The following IKZF3 variants were observed in gnomAD, a reference collection of about 807,000 sequenced individuals.
IKZF3 encodes the protein IKAROS family zinc finger 3, also known as zinc finger protein Aiolos.
Under a neutral mutation model 49.0 loss-of-function variants are expected in IKZF3, and 10 were observed. The observed-to-expected ratio is 0.20, with a 90% CI of 0.13 to 0.35. The LOEUF (loss-of-function observed/expected upper bound fraction) is 0.35. IKZF3 is among the 10% of genes least tolerant of loss of function. The probability of loss-of-function intolerance (pLI) is 1.00; values close to 1 mark genes in which losing one functional copy is unlikely to be tolerated. For missense variants in IKZF3, 498 were observed against 664.8 expected (o/e 0.75, Z 2.76); for synonymous variants, 209 against 228.2 (o/e 0.92, Z 0.76).
chr17:39,849,457 G>A (rs2062733682), intron 1 of IKZF3, among the ~76,000 whole-genome samples: 1 of 151,876 alleles, frequency 6.6e-6, no homozygotes, highest in African/African-American at 2.4e-5. Flanking sequence ...TCAGGAGTTT[G>A]AGACCAGCCT....
At chr17:39,851,975 C>T (rs1306430530) in intron 1 of IKZF3, among the ~76,000 whole-genome samples, 1 of 152,118 alleles carries the variant, frequency 6.6e-6, no homozygotes, top group East Asian at 1.9e-4. Context: ...CAACCACTCA[C>T]TGAATGGGCT....
At chr17:39,827,126 T>C (rs2061978340) in intron 3 of IKZF3, among the ~76,000 whole-genome samples, 1 of 152,098 alleles carries the variant, frequency 6.6e-6, no homozygotes. Context: ...GCCTCCCCAG[T>C]AGCTGGGATT....
At chr17:39,780,873 T>C (rs2060724800) in intron 6 of IKZF3, among the ~76,000 whole-genome samples, 1 of 152,174 alleles carries the variant, frequency 6.6e-6, no homozygotes, top group African/African-American at 2.4e-5. Flanking sequence ...AGGATGATAA[T>C]AATGTGATAA....
chr17:39,770,982 G>A (rs1260903217), intron 7 of IKZF3, among the ~76,000 whole-genome samples: 6 of 152,090 alleles, frequency 3.9e-5, no homozygotes, highest in African/African-American at 1.4e-4. Context: ...ATTTTTGTAT[G>A]ATACCTTTTA....
intron 3 of IKZF3, among the ~76,000 whole-genome samples, chr17:39,819,463 A>G (rs1246912377): frequency 6.6e-6 from 1 of 152,120 alleles, no homozygotes; most frequent in Non-Finnish European, 1.5e-5. Context: ...ATACAACATC[A>G]TATGCCTTTC....
intron 3 of IKZF3, among the ~76,000 whole-genome samples, chr17:39,823,809 G>A (rs763615991): frequency 6.6e-6 from 1 of 152,372 alleles, no homozygotes; most frequent in Non-Finnish European, 1.5e-5. Flanking sequence ...CCTCTGCTTA[G>A]ATTTCAGAGG....
chr17:39,783,045 G>A (rs898006759), intron 6 of IKZF3, among the ~76,000 whole-genome samples: 1 of 152,138 alleles, frequency 6.6e-6, no homozygotes, highest in Admixed American at 6.5e-5. Flanking sequence ...AGTCATTGGA[G>A]GTTTAACTAT....
intron 3 of IKZF3, among the ~76,000 whole-genome samples, chr17:39,803,839 G>A (rs2061377138): frequency 6.6e-6 from 1 of 152,080 alleles, no homozygotes; most frequent in East Asian, 1.9e-4. Context: ...AAACAGGAAT[G>A]AAAAAGTTTA....
intron 3 of IKZF3, among the ~76,000 whole-genome samples, chr17:39,804,019 GT>G (rs756941868): frequency 4.6e-5 from 7 of 152,172 alleles, no homozygotes; most frequent in Non-Finnish European, 1.0e-4. Context: ...TATATAGCAT[GT>G]TTTGTGTTAT....
In IKZF3 at chr17:39,766,591, T is replaced by G. The variant is rs961709890; in HGVS notation, c.827-98A>C. ...ACCTCAAAAAGGGAGGAGAGTTAAG[T>G]TGCCTGCTGCTCAAGAAGACCAAGC... On this transcript the variant is annotated intron_variant, in intron 7 of 7. Coordinates refer to ENST00000346872, the MANE Select transcript of IKZF3 (RefSeq NM_012481.5). 3 of 1,011,250 alleles carry G rather than the reference T, an allele frequency of 3.0e-6. No homozygotes were observed. In the African/African-American group the frequency reaches 4.8e-5, roughly 16 times the overall value. 62.6% of individuals were successfully genotyped at this position (1,011,250 alleles called of 1,614,324 possible).
chr17:39,768,724 T>C (rs1416018718), intron 7 of IKZF3, among the ~76,000 whole-genome samples: 2 of 152,240 alleles, frequency 1.3e-5, no homozygotes, highest in Non-Finnish European at 2.9e-5. Context: ...TGGGTTTTTT[T>C]CCTCTGTTTG....
intron 3 of IKZF3, among the ~76,000 whole-genome samples, chr17:39,807,580 G>T (rs2061461878): frequency 7.3e-6 from 1 of 136,366 alleles, no homozygotes; most frequent in African/African-American, 2.8e-5. Context: ...GTAGAGACGG[G>T]GCCTCTATAT....
At chr17:39,781,148 G>A (rs1349848479) in intron 6 of IKZF3, among the ~76,000 whole-genome samples, 2 of 152,032 alleles carry the variant, frequency 1.3e-5, no homozygotes, top group East Asian at 3.9e-4. Flanking sequence ...TCCAGCACAG[G>A]GATAGGTTTA....
At chr17:39,774,269 T>C (rs1431627504) in intron 7 of IKZF3, among the ~76,000 whole-genome samples, 1 of 152,170 alleles carries the variant, frequency 6.6e-6, no homozygotes, top group Admixed American at 6.5e-5. Context: ...TGACTCACTC[T>C]TCCTTCACAC....
chr17:39,860,989 A>G (rs1598245964), intron 1 of IKZF3, among the ~76,000 whole-genome samples: 1 of 152,220 alleles, frequency 6.6e-6, no homozygotes, highest in South Asian at 2.1e-4. Context: ...ACTGAGCTTT[A>G]TCAAAGAATT....
At chr17:39,850,873 A>G (rs1326510116) in intron 1 of IKZF3, among the ~76,000 whole-genome samples, 6 of 131,836 alleles carry the variant, frequency 4.6e-5, no homozygotes, top group Non-Finnish European at 9.2e-5. Context: ...GTATATATAC[A>G]TATATAATAT....
chr17:39,789,913 AAAG>A (rs1182121130), intron 5 of IKZF3, among the ~76,000 whole-genome samples: 3,153 of 150,332 alleles, frequency 0.021, 78 homozygotes, highest in Non-Finnish European at 0.034. Context: ...AAAAAAAAAA[AAAG>A]AGAGAAATAA....
rs552696282 is a variant in IKZF3 at position 39,778,293 on chromosome 17, C to CTTTCTT, written c.710-532_710-527dup. ...TGTGTATTGAAATTCTGAGTGGTTTCTTTCTTTTTCTTTTTCTTTTTTTTT... is the reference window on the plus strand; with the variant it reads ...TGTGTATTGAAATTCTGAGTGGTTTCTTTCTTTTTCTTTTTCTTTTTCTTTTTTTTT... On this transcript the variant is annotated intron_variant, in intron 6 of 7. Coordinates refer to ENST00000346872, the MANE Select transcript of IKZF3 (RefSeq NM_012481.5). 536 of 556,050 alleles carry CTTTCTT rather than the reference C, an allele frequency of 9.6e-4. 4 individuals are homozygous for CTTTCTT. In the African/African-American group the frequency reaches 0.011, roughly 11 times the overall value. The allele number at this position is 556,050 out of a possible 1,614,324, so 34.4% of individuals were successfully genotyped here.
intron 6 of IKZF3, among the ~76,000 whole-genome samples, chr17:39,783,385 G>C (rs2060793762): frequency 6.6e-6 from 1 of 152,146 alleles, no homozygotes; most frequent in Non-Finnish European, 1.5e-5. Context: ...GCAGTGGCAT[G>C]ATCTTGGCTC....
Sources: allele counts gnomAD v4.1 joint callset (sites outside exome capture counted in the v4.1 genomes callset), GRCh38; gene constraint gnomAD v4.1.1; transcripts MANE v1.5; gene names NCBI Gene and HGNC (gene_info 2026-07-23, HGNC 2026-07-21).